The following TRPC4 variants were observed in gnomAD, a reference collection of about 807,000 sequenced individuals.
The protein encoded by TRPC4 is transient receptor potential cation channel subfamily C member 4, also known as short transient receptor potential channel 4.
TRPC4 carries 49 observed loss-of-function variants against 99.4 expected under a neutral mutation model. The ratio of observed to expected loss-of-function variants is 0.49; its 90% CI spans 0.39 to 0.63. The LOEUF (loss-of-function observed/expected upper bound fraction) is 0.63. Among genes scored for constraint, TRPC4 ranks in the 20% least tolerant of loss-of-function variants. The pLI is 0.00. For synonymous variants in TRPC4, 454 were observed against 425.9 expected, an observed-to-expected ratio of 1.07 and a Z score of -0.81; for missense variants, 898 against 1,152.9, an observed-to-expected ratio of 0.78 and a Z score of 3.20.
At chr13:37,847,410 T>G (rs1958935172) in intron 1 of TRPC4, among the ~76,000 whole-genome samples, 1 of 152,016 alleles carries the variant, frequency 6.6e-6, no homozygotes, top group Non-Finnish European at 1.5e-5. Flanking sequence ...TACACAAGCA[T>G]GTGGAAATTG....
chr13:37,731,755 G>C (rs1192141794), intron 3 of TRPC4, among the ~76,000 whole-genome samples: 2 of 151,996 alleles, frequency 1.3e-5, no homozygotes, highest in Non-Finnish European at 2.9e-5. Flanking sequence ...CATTAAAATA[G>C]TTAAAATCAA....
At chr13:37,643,279 G>A (rs577506378) in intron 8 of TRPC4, among the ~76,000 whole-genome samples, 149 of 152,272 alleles carry the variant, frequency 9.8e-4, no homozygotes, top group Non-Finnish European at 1.2e-4. Flanking sequence ...GTATGGCAGT[G>A]GAGTGCAAGA....
chr13:37,818,125 C>A (rs1566193752), intron 1 of TRPC4, among the ~76,000 whole-genome samples: 1 of 151,232 alleles, frequency 6.6e-6, no homozygotes, highest in Non-Finnish European at 1.5e-5. Context: ...GAATACTAGA[C>A]AAAGTCTAGT....
At chr13:37,771,946 G>A (rs555024241) in intron 2 of TRPC4, among the ~76,000 whole-genome samples, 2 of 151,728 alleles carry the variant, frequency 1.3e-5, no homozygotes, top group Non-Finnish European at 3.0e-5. Context: ...GGTAAGGGTG[G>A]ACTTGTGAGG....
intron 6 of TRPC4, 82 bp downstream of exon 6, chr13:37,663,334 T>C (rs1952517753): frequency 1.5e-6 from 2 of 1,331,584 alleles, no homozygotes; most frequent in Non-Finnish European, 2.0e-6. Flanking sequence ...TACAACCATT[T>C]GTCATAGGTT....
intron 5 of TRPC4, among the ~76,000 whole-genome samples, chr13:37,669,635 G>C (rs950986319): frequency 6.6e-6 from 1 of 152,022 alleles, no homozygotes; most frequent in East Asian, 1.9e-4. Context: ...TTTTATATTA[G>C]GTTCTATTCT....
chr13:37,789,729 C>A (rs1488278659), intron 1 of TRPC4, among the ~76,000 whole-genome samples: 1 of 150,732 alleles, frequency 6.6e-6, no homozygotes, highest in African/African-American at 2.4e-5. Context: ...ATCTTTACTA[C>A]TAAGCTTTTG....
chr13:37,672,523 C>T (rs1044434415), intron 5 of TRPC4, among the ~76,000 whole-genome samples: 1 of 152,160 alleles, frequency 6.6e-6, no homozygotes, highest in African/African-American at 2.4e-5. Context: ...GGCAAGCCCT[C>T]CTTATGATTC....
intron 1 of TRPC4, among the ~76,000 whole-genome samples, chr13:37,832,412 A>G (rs952052404): frequency 2.0e-5 from 3 of 151,896 alleles, no homozygotes; most frequent in Non-Finnish European, 4.4e-5. Flanking sequence ...TGGGCGGTGC[A>G]CCTGTAGCCC....
At chr13:37,652,372 C>A (rs1487328470) in intron 7 of TRPC4, among the ~76,000 whole-genome samples, 1 of 152,136 alleles carries the variant, frequency 6.6e-6, no homozygotes, top group Non-Finnish European at 1.5e-5. Flanking sequence ...TTTTGATATT[C>A]CTAAATTGCT....
chr13:37,829,023 A>G (rs545154575), intron 1 of TRPC4, among the ~76,000 whole-genome samples: 1 of 152,336 alleles, frequency 6.6e-6, no homozygotes, highest in African/African-American at 2.4e-5. Flanking sequence ...CTTATTGAAA[A>G]CATAGGTATA....
rs9566245 is a variant in TRPC4, at chr13:37,650,994, G to A, written c.2079+271C>T. The stretch of plus-strand genomic sequence containing the variant: ...TAAGACAGAGTATGCTAGTTCCCCA[G>A]CCTTGACTAGCAGAACTCAAGGAGG... On this transcript the variant is annotated intron_variant, in intron 8 of 10. Coordinates refer to ENST00000379705, the MANE Select transcript of TRPC4 (RefSeq NM_016179.4). Among the ~76,000 whole-genome samples the A allele has an allele frequency of 0.37, 56,865 of 151,914 alleles. 11,131 individuals carry two copies. Among genetic ancestry groups the A allele is most frequent in the African/African-American group, 0.45 (18,531 of 41,434 alleles).
At chr13:37,745,534 A>C (rs1178051085) in intron 3 of TRPC4, among the ~76,000 whole-genome samples, 1 of 76,304 alleles carries the variant, frequency 1.3e-5, no homozygotes, top group African/African-American at 8.1e-5. Flanking sequence ...ATATGTATAT[A>C]TACGTATATA....
chr13:37,715,014 A>T (rs755985975), intron 3 of TRPC4, among the ~76,000 whole-genome samples: 6 of 152,216 alleles, frequency 3.9e-5, no homozygotes, highest in Non-Finnish European at 8.8e-5. Context: ...GCATGTATGC[A>T]TATGTGTGTG....
At chr13:37,654,227 G>A (rs7335857) in intron 7 of TRPC4, among the ~76,000 whole-genome samples, 1 of 151,998 alleles carries the variant, frequency 6.6e-6, no homozygotes, top group Non-Finnish European at 1.5e-5. Context: ...TTTAACCATA[G>A]ATTCAAAGGT....
At chr13:37,733,008 CAATCCTGT>C (rs1192547738) in intron 3 of TRPC4, among the ~76,000 whole-genome samples, 1 of 152,150 alleles carries the variant, frequency 6.6e-6, no homozygotes, top group Admixed American at 6.5e-5. Context: ...ATAATCAAAG[CAATCCTGT>C]AATCCCAACA....
At chr13:37,826,754 G>GAGTT (rs1374494062) in intron 1 of TRPC4, among the ~76,000 whole-genome samples, 5 of 152,066 alleles carry the variant, frequency 3.3e-5, no homozygotes, top group African/African-American at 1.2e-4. Context: ...ATGTGTCTTG[G>GAGTT]AGTTGCTCTT....
chr13:37,653,217 G>A (rs77598008), intron 7 of TRPC4, among the ~76,000 whole-genome samples: 3,069 of 151,896 alleles, frequency 0.02, 103 homozygotes, highest in African/African-American at 0.069. Flanking sequence ...TTTGTATCCC[G>A]AAAATTAAGC....
chr13:37,804,552 T>C (rs1164717371), intron 1 of TRPC4, among the ~76,000 whole-genome samples: 13 of 152,154 alleles, frequency 8.5e-5, no homozygotes, highest in Admixed American at 8.5e-4. Flanking sequence ...ACTACAAAGG[T>C]TTTTATTGTA....
Sources: gnomAD v4.1 joint callset for allele counts (sites outside exome capture counted in the v4.1 genomes callset) on GRCh38, gnomAD v4.1.1 for gene constraint, MANE v1.5 for transcripts, NCBI Gene and HGNC (gene_info 2026-07-23, HGNC 2026-07-21) for gene names.